Variants in STK33 observed in about 807,000 individuals in gnomAD.
STK33 encodes serine/threonine-protein kinase 33.
Under a neutral mutation model 58.0 loss-of-function variants are expected in STK33, and 52 were observed. The ratio of observed to expected loss-of-function variants is 0.90; its 90% confidence interval spans 0.72 to 1.13. STK33 has a LOEUF of 1.13. STK33 is among the 50% of genes most tolerant of loss of function. The pLI, the probability that STK33 is intolerant of heterozygous loss-of-function variation, is 0.00. For missense variants in STK33, 630 were observed against 604.2 expected (o/e 1.04, Z -0.45); for synonymous variants, 215 against 200.1 (o/e 1.07, Z -0.63).
the STK33 span, among the ~76,000 whole-genome samples, chr11:8,351,911 G>A: frequency 4.6e-5 from 7 of 152,216 alleles, no homozygotes; most frequent in African/African-American, 1.2e-4. Context: ...CTTCAGCCCC[G>A]CTGGAAAATG....
the STK33 span, among the ~76,000 whole-genome samples, chr11:8,384,186 G>A: frequency 7.1e-6 from 1 of 140,602 alleles, no homozygotes; most frequent in Non-Finnish European, 1.6e-5. Flanking sequence ...ATAATAATTA[G>A]TTTTTAGTAT....
At chr11:8,370,297 A>G in the STK33 span, among the ~76,000 whole-genome samples, 1 of 151,952 alleles carries the variant, frequency 6.6e-6, no homozygotes, top group Admixed American at 6.6e-5. Flanking sequence ...TCCTGGGCTC[A>G]AGCAATCCTC....
chr11:8,578,611 C>A (rs993175543), intron 1 of STK33, among the ~76,000 whole-genome samples: 19 of 151,718 alleles, frequency 1.3e-4, no homozygotes, highest in Admixed American at 2.0e-4. Context: ...GTAATTCACA[C>A]ACACACACAC....
At chr11:8,587,653 G>C (rs952609187) in intron 1 of STK33, among the ~76,000 whole-genome samples, 9 of 151,796 alleles carry the variant, frequency 5.9e-5, no homozygotes, top group Non-Finnish European at 1.3e-4. Context: ...TTTTCTTTGT[G>C]GAAAGGTTCA....
chr11:8,349,972 G>C, the STK33 span, among the ~76,000 whole-genome samples: 1 of 152,284 alleles, frequency 6.6e-6, no homozygotes, highest in Non-Finnish European at 1.5e-5. Flanking sequence ...CCACAGAGCT[G>C]CGATCATGCA....
the STK33 span, among the ~76,000 whole-genome samples, chr11:8,349,714 G>A: frequency 6.6e-6 from 1 of 152,350 alleles, no homozygotes; most frequent in African/African-American, 2.4e-5. Flanking sequence ...GGGACAATTA[G>A]GAAGCATGAT....
intron 1 of STK33, among the ~76,000 whole-genome samples, chr11:8,489,272 G>GAAAAAAAAAAAGAAAAAAAAAAAAAGA (rs1950414191): frequency 7.9e-6 from 1 of 126,594 alleles, no homozygotes; most frequent in Non-Finnish European, 1.6e-5. Context: ...AAAAAAAAAA[G>GAAAAAAAAAAAGAAAAAAAAAAAAAGA]AAAAAAAAAA....
At chr11:8,534,532 TTCTC>T (rs61429377) in intron 1 of STK33, among the ~76,000 whole-genome samples, 4,723 of 122,216 alleles carry the variant, frequency 0.039, 130 homozygotes, top group East Asian at 0.048. Context: ...GTATATATAT[TTCTC>T]TCTCTCTCTC....
chr11:8,355,123 G>C, the STK33 span, among the ~76,000 whole-genome samples: 2 of 152,222 alleles, frequency 1.3e-5, no homozygotes, highest in African/African-American at 2.4e-5. Context: ...TGAGGGTGGG[G>C]CTTTTCCCAT....
rs78209313 is a variant in STK33 at position 8,422,963 on chromosome 11, C to A, written c.1147-9271G>T. Among the ~76,000 whole-genome samples, 1,209 of 150,870 alleles carry A rather than the reference C, an allele frequency of 8.0e-3. 25 individuals carry two copies. Among genetic ancestry groups the A allele is most frequent in the African/African-American group, 0.027 (1,122 of 41,300 alleles). ...ACCTCAGCCTTTCGAGTAGCTGGGA[C>A]TACTACTAAAACTCAGCCGGGCATG... On this transcript the variant is annotated intron_variant, in intron 14 of 15. Transcript: ENST00000687296.
At position 8,451,302 on chromosome 11, in the gene STK33, T is replaced by C. The variant is rs569668291; in HGVS notation, c.871+1520A>G. On this transcript the variant is annotated intron_variant, in intron 11 of 15. Transcript: ENST00000687296. ...TACATGAATATTCATAGCAGCATTATTCATAATAGCCATAAACTGGTAAAA... is the reference window on the plus strand; with the variant it reads ...TACATGAATATTCATAGCAGCATTACTCATAATAGCCATAAACTGGTAAAA... 4.6e-5 allele frequency among the ~76,000 whole-genome samples: 7 copies of C among 152,310 alleles called. No individual in the cohort carries two copies. In the South Asian group the frequency reaches 1.5e-3, roughly 32 times the overall value.
At chr11:8,408,968 G>T (rs1304778407) in intron 15 of STK33, among the ~76,000 whole-genome samples, 2 of 152,178 alleles carry the variant, frequency 1.3e-5, no homozygotes, top group East Asian at 3.8e-4. Context: ...CCTCTGCCTA[G>T]CATCTACCAA....
At chr11:8,580,264 A>G (rs1405179490) in intron 1 of STK33, among the ~76,000 whole-genome samples, 1 of 152,232 alleles carries the variant, frequency 6.6e-6, no homozygotes, top group African/African-American at 2.4e-5. Flanking sequence ...GTACATATAC[A>G]CAATGGAGTA....
rs187692265 is a variant in STK33 at position 8,395,342 on chromosome 11, T to C, written c.1345-2632A>G. Among the ~76,000 whole-genome samples, 538 of 152,302 alleles carry C rather than the reference T, an allele frequency of 3.5e-3. 3 individuals carry two copies. The highest frequency in any genetic ancestry group is 0.012 in the African/African-American group (513 of 41,562). On this transcript the variant is annotated intron_variant, in intron 15 of 15. Coordinates refer to ENST00000687296, the MANE Select transcript of STK33 (RefSeq NM_001352389.2). ...ATAAAGGGCAGTTCCCCTGCACACA[T>C]TCTCTTGCCTGCTGCCACCTAAGGC...
chr11:8,458,172 C>A (rs1055742799), intron 8 of STK33, among the ~76,000 whole-genome samples: 1 of 152,052 alleles, frequency 6.6e-6, no homozygotes, highest in East Asian at 1.9e-4. Flanking sequence ...TAGAACAGGG[C>A]TCAACAAACC....
chr11:8,401,371 C>T (rs942207667), intron 15 of STK33, among the ~76,000 whole-genome samples: 30 of 151,972 alleles, frequency 2.0e-4, no homozygotes, highest in African/African-American at 5.8e-4. Flanking sequence ...AATAGGGAAA[C>T]GATTCCCTAT....
the STK33 span, among the ~76,000 whole-genome samples, chr11:8,338,101 T>C: frequency 2.0e-5 from 3 of 152,220 alleles, no homozygotes; most frequent in African/African-American, 4.8e-5. Context: ...TTGTTCACTA[T>C]AGTGGCACCA....
the STK33 span, among the ~76,000 whole-genome samples, chr11:8,343,226 T>A: frequency 2.0e-5 from 3 of 152,218 alleles, no homozygotes; most frequent in African/African-American, 7.2e-5. Context: ...CTGGCAGCAG[T>A]GTGTGCTGTG....
chr11:8,534,688 T>G (rs781375570), intron 1 of STK33, among the ~76,000 whole-genome samples: 5 of 151,912 alleles, frequency 3.3e-5, no homozygotes, highest in Non-Finnish European at 7.4e-5. Context: ...GATTCAACTT[T>G]GTAACATATT....
Sources: allele counts gnomAD v4.1 joint callset (sites outside exome capture counted in the v4.1 genomes callset), GRCh38; gene constraint gnomAD v4.1.1; transcripts MANE v1.5; gene names NCBI Gene and HGNC (gene_info 2026-07-23, HGNC 2026-07-21).